Variants in ANKRD36C observed in about 807,000 individuals in gnomAD.
ANKRD36C encodes the protein ankyrin repeat domain 36C, also known as ankyrin repeat domain-containing protein 36C.
In ANKRD36C, 61 loss-of-function variants were observed where a neutral mutation model predicts 276.4. That is an observed-to-expected ratio of 0.22 (90% confidence interval 0.18 to 0.27). The LOEUF (loss-of-function observed/expected upper bound fraction) is 0.27, where lower values mean the gene tolerates loss of function less well. ANKRD36C is among the 10% of genes least tolerant of loss of function. The pLI, the probability that ANKRD36C is intolerant of heterozygous loss-of-function variation, is 1.00. For synonymous variants in ANKRD36C, 483 were observed against 680.1 expected (o/e 0.71, Z 4.51); for missense variants, 1,447 against 2,032.3 (o/e 0.71, Z 5.54).
At chr2:95,876,391 T>C (rs774566553) in intron 59 of ANKRD36C, 48 bp downstream of exon 79, 6 of 1,444,138 alleles carry the variant, frequency 4.2e-6, no homozygotes, top group Non-Finnish European at 5.7e-6. Context: ...TTACCAAAGC[T>C]AGGAAAACAA....
At chr2:95,953,976 T>G in exon 14 of ANKRD36C, 1 of 1,535,966 alleles carries the variant, frequency 6.5e-7, no homozygotes, top group Non-Finnish European at 8.7e-7. Context: ...TGTCACAGGC[T>G]GTGCAACAGC....
chr2:95,873,929 T>C (rs1341024823), intron 59 of ANKRD36C, among the ~76,000 whole-genome samples: 2 of 152,176 alleles, frequency 1.3e-5, no homozygotes, highest in African/African-American at 2.4e-5. Flanking sequence ...CCATTCACAA[T>C]TGCTTCAAAG....
rs1443101233 is a variant in ANKRD36C at position 95,919,936 on chromosome 2, G to A, written c.2245+1671C>T. ...TGAGAAGACACTGAAAAGCAAAAGG[G>A]ATACATAATCACTCATATATAAATA... is the stretch of plus-strand genomic sequence containing the variant. On this transcript the variant is annotated intron_variant, in intron 34 of 66. Transcript: ENST00000456556. 1 of 1,538,540 alleles carries A rather than the reference G, an allele frequency of 6.5e-7. No individual in the cohort carries two copies. Among genetic ancestry groups the A allele is most frequent in the Admixed American group, 1.8e-5 (1 of 54,728 alleles).
chr2:95,855,844 C>A, exon 63 of ANKRD36C: 3 of 1,613,890 alleles, frequency 1.9e-6, no homozygotes, highest in Non-Finnish European at 2.5e-6. Flanking sequence ...CATAGAGCAG[C>A]ATTCAGTCTA....
chr2:95,897,113 G>T (rs551613912), intron 44 of ANKRD36C, among the ~76,000 whole-genome samples, 157 bp downstream of exon 60: 17 of 150,386 alleles, frequency 1.1e-4, no homozygotes, highest in Non-Finnish European at 1.8e-4. Flanking sequence ...CAGACCAGCA[G>T]CATCATCATC....
At chr2:95,921,518 C>A (rs920151503) in intron 34 of ANKRD36C, 89 bp downstream of exon 34, 6 of 1,514,862 alleles carry the variant, frequency 4.0e-6, no homozygotes, top group South Asian at 2.5e-5. Context: ...GGCGAGCCCC[C>A]CCACCTGCCC....
At chr2:95,942,065 G>A (rs1234421123) in intron 19 of ANKRD36C, among the ~76,000 whole-genome samples, 1 of 152,302 alleles carries the variant, frequency 6.6e-6, no homozygotes, top group East Asian at 1.9e-4. Flanking sequence ...GAAAGAATCT[G>A]GAAGGCAGTT....
intron 40 of ANKRD36C, among the ~76,000 whole-genome samples, chr2:95,913,590 T>G (rs1237644632): frequency 6.6e-6 from 1 of 151,428 alleles, no homozygotes; most frequent in Non-Finnish European, 1.5e-5. Context: ...CACTCAGGTT[T>G]CCTCAGCAGA....
rs189046581 is a variant in ANKRD36C at position 95,887,545 on chromosome 2, C to T, written c.3061+380G>A. The stretch of plus-strand genomic sequence containing the variant: ...CAGTGTCTACAGGTTATTAGGATCA[C>T]TATTCTGTCTTTTTTATAGCAGTAT... On this transcript the variant is annotated intron_variant, in intron 50 of 66. Transcript: ENST00000456556. Among the ~76,000 whole-genome samples the T allele has an allele frequency of 4.6e-3, 702 of 151,738 alleles. 4 individuals carry two copies. The highest frequency in any genetic ancestry group is 0.017 in the Middle Eastern group (5 of 294).
intron 6 of ANKRD36C, among the ~76,000 whole-genome samples, chr2:95,975,920 C>T (rs1377650479): frequency 6.6e-6 from 1 of 152,034 alleles, no homozygotes. Flanking sequence ...TGAACTCAAA[C>T]AAATTTACAA....
At chr2:95,863,976 G>A (rs1489429548) in intron 60 of ANKRD36C, among the ~76,000 whole-genome samples, 1 of 151,976 alleles carries the variant, frequency 6.6e-6, no homozygotes, top group Non-Finnish European at 1.5e-5. Context: ...TGGGCTTGGG[G>A]TGATTGTGAT....
At chr2:95,888,329 A>T (rs1676251416) in intron 48 of ANKRD36C, among the ~76,000 whole-genome samples, 1 of 151,674 alleles carries the variant, frequency 6.6e-6, no homozygotes, top group Non-Finnish European at 1.5e-5. Flanking sequence ...TACAATTTCA[A>T]ACATGGCATG....
intron 42 of ANKRD36C, 31 bp from the exon 47 acceptor site, chr2:95,908,728 A>G (rs1161610211): frequency 2.6e-6 from 4 of 1,543,528 alleles, no homozygotes; most frequent in Non-Finnish European, 3.5e-6. Context: ...ATAATCACTC[A>G]TATGTAAAAA....
chr2:95,976,057 T>C (rs1028323513), intron 6 of ANKRD36C, among the ~76,000 whole-genome samples: 3 of 151,976 alleles, frequency 2.0e-5, no homozygotes, highest in South Asian at 2.1e-4. Context: ...ATCAGAGAAA[T>C]GCAAATCAAA....
At chr2:95,859,719 C>A in intron 61 of ANKRD36C, 142 bp downstream of exon 81, 1 of 918,840 alleles carries the variant, frequency 1.1e-6, no homozygotes, top group South Asian at 1.8e-5. Flanking sequence ...ATATTATATC[C>A]AATAATTTCA....
chr2:95,908,953 G>C (rs562244194), intron 42 of ANKRD36C, among the ~76,000 whole-genome samples: 21 of 151,240 alleles, frequency 1.4e-4, no homozygotes, highest in Non-Finnish European at 2.5e-4. Context: ...ATAAAACCAT[G>C]TCAATATCAA....
chr2:95,851,029 T>A, downstream of ANKRD36C: 1 of 667,488 alleles, frequency 1.5e-6, no homozygotes, highest in South Asian at 1.7e-5. Context: ...TTCACATCTT[T>A]CACTAGATGT....
At chr2:95,937,212 C>A (rs942507725) in intron 22 of ANKRD36C, among the ~76,000 whole-genome samples, 1 of 152,290 alleles carries the variant, frequency 6.6e-6, no homozygotes. Flanking sequence ...TTTTATTAAA[C>A]ATGTTTAATT....
chr2:95,894,223 T>C (rs1676465639), intron 44 of ANKRD36C: 1 of 188,496 alleles, frequency 5.3e-6, no homozygotes, highest in Non-Finnish European at 1.1e-5. Flanking sequence ...ACTTCACATC[T>C]CTTCAGTGGA....
Sources: allele counts gnomAD v4.1 joint callset (sites outside exome capture counted in the v4.1 genomes callset), GRCh38; gene constraint gnomAD v4.1.1; transcripts MANE v1.5; gene names NCBI Gene and HGNC (gene_info 2026-07-23, HGNC 2026-07-21).